Variants in SLC6A19 observed in about 807,000 individuals in gnomAD.
SLC6A19 encodes solute carrier family 6 member 19, also known as sodium-dependent neutral amino acid transporter B(0)AT1.
In SLC6A19, 67 loss-of-function variants were observed where a neutral mutation model predicts 68.3. The ratio of observed to expected loss-of-function variants is 0.98; its 90% CI spans 0.81 to 1.20. SLC6A19 has a LOEUF of 1.20. Among genes scored for constraint, SLC6A19 ranks in the 50% most tolerant of loss-of-function variants. The pLI is 0.00. For synonymous variants in SLC6A19, 392 were observed against 374.9 expected (o/e 1.05, Z -0.53); for missense variants, 813 against 851.6 (o/e 0.95, Z 0.56).
In SLC6A19 at chr5:1,211,344, G is replaced by T. The variant is rs113116660; in HGVS notation, c.481+763G>T. On this transcript the variant is annotated intron_variant, in intron 3 of 11. Transcript: ENST00000304460. The stretch of plus-strand genomic sequence containing the variant: ...TTCCCCTTTAGAAAGGTCTCAGGAT[G>T]GTTCCACAAGCCCAGAGAGGCCCAC... 4.0e-3 allele frequency among the ~76,000 whole-genome samples: 616 copies of T among 152,372 alleles called. 7 individuals carry two copies. Among genetic ancestry groups the T allele is most frequent in the African/African-American group, 0.014 (588 of 41,592 alleles).
Position 1,222,494 on chromosome 5 carries a change from A to G in SLC6A19, c.*590A>G, listed in dbSNP as rs1746418904. Reference sequence around the variant, plus strand: ...TATGCACATGTGTATATGTACATGTATGCCTGTGTGACGTGTGTATATGTG... The same window carrying G: ...TATGCACATGTGTATATGTACATGTGTGCCTGTGTGACGTGTGTATATGTG... On this transcript the variant is annotated 3_prime_UTR_variant, in exon 12 of 12. Coordinates refer to ENST00000304460, the MANE Select transcript of SLC6A19 (RefSeq NM_001003841.3). 2 of 423,248 alleles carry G rather than the reference A, an allele frequency of 4.7e-6. No individual in the cohort carries two copies. Among genetic ancestry groups the G allele is most frequent in the Admixed American group, 3.9e-5 (1 of 25,974 alleles). 26.2% of individuals were successfully genotyped at this position (423,248 alleles called of 1,614,324 possible).
chr5:1,224,956 C>G lies in SLC6A19; in HGVS notation c.*3052C>G, dbSNP rs943216658. 1 of 155,032 alleles carries G rather than the reference C, an allele frequency of 6.5e-6. No individual in the cohort carries two copies. The highest frequency in any genetic ancestry group is 1.4e-5 in the Non-Finnish European group (1 of 69,848). 9.6% of individuals were successfully genotyped at this position (155,032 alleles called of 1,614,324 possible). A position where few individuals can be genotyped will look rare whatever the true frequency, so the allele number is the denominator to read the frequency against. ...GGGCAGCAGTGGGTGTGAGGGCAGCCCCCGGCCTCCCAAGAGCAGCTGAGA... is the reference window on the plus strand; with the variant it reads ...GGGCAGCAGTGGGTGTGAGGGCAGCGCCCGGCCTCCCAAGAGCAGCTGAGA... On this transcript the variant is annotated 3_prime_UTR_variant, in exon 12 of 12. Coordinates refer to ENST00000304460, the MANE Select transcript of SLC6A19 (RefSeq NM_001003841.3).
chr5:1,218,981 G>A lies in SLC6A19; in HGVS notation c.1252G>A (p.Val418Met), dbSNP rs760794923. The change falls in exon 9 of 12, where the codon GTG becomes ATG. Residue 418 changes from valine (V) to methionine (M), a missense_variant. By Grantham distance (21) the Val-to-Met change is conservative. Transcript: ENST00000304460. ...TKMPLSPLWS[V>M]LFFIMLFCLG... Reference sequence around the variant, plus strand: ...GATGCCGTTGTCCCCACTGTGGTCTGTGCTCTTCTTCATTATGCTCTTCTG... The same window carrying A: ...GATGCCGTTGTCCCCACTGTGGTCTATGCTCTTCTTCATTATGCTCTTCTG... The A allele has an allele frequency of 1.4e-5, 22 of 1,613,964 alleles. No individual in the cohort carries two copies. In the South Asian group the frequency reaches 2.4e-4, roughly 18 times the overall value.
chr5:1,216,994 C>T, intron 8 of SLC6A19, 49 bp downstream of exon 8: 1 of 1,609,974 alleles, frequency 6.2e-7, no homozygotes. Context: ...CCCTTGCTGG[C>T]ACCTCAGAGT....
At position 1,222,464 on chromosome 5, in the gene SLC6A19, G is replaced by A. The variant is rs1227969940; in HGVS notation, c.*560G>A. 4.6e-6 allele frequency: 2 copies of A among 434,998 alleles called. No homozygotes were observed. Among genetic ancestry groups the A allele is most frequent in the African/African-American group, 4.0e-5 (2 of 50,566 alleles). 26.9% of individuals were successfully genotyped at this position (434,998 alleles called of 1,614,324 possible). A position where few individuals can be genotyped will look rare whatever the true frequency, so the allele number is the denominator to read the frequency against. On this transcript the variant is annotated 3_prime_UTR_variant, in exon 12 of 12. Transcript: ENST00000304460. ...GTGTGTTCTGTGTGTGCGTTTGCAA[G>A]TATATATGCACATGTGTATATGTAC...
chr5:1,216,947 T>A lies in SLC6A19; in HGVS notation c.1173+2T>A. 1.9e-6 allele frequency: 3 copies of A among 1,612,524 alleles called. No homozygotes were observed. The highest frequency in any genetic ancestry group is 1.7e-6 in the Non-Finnish European group (2 of 1,179,976). ...GACATCAACGCCTTCCTCTCAGAGG[T>A]AGGTCCATTCCGGAGCTCGAGGCAG... is the stretch of plus-strand genomic sequence containing the variant. On this transcript the variant is annotated splice_donor_variant, in intron 8 of 11. Coordinates refer to ENST00000304460, the MANE Select transcript of SLC6A19 (RefSeq NM_001003841.3). LOFTEE classifies it high-confidence loss of function.
chr5:1,212,664 G>T lies in SLC6A19; in HGVS notation c.663+180G>T, dbSNP rs937942295. Among the ~76,000 whole-genome samples, 4 of 152,126 alleles carry T rather than the reference G, an allele frequency of 2.6e-5. No homozygotes were observed. Among genetic ancestry groups the T allele is most frequent in the African/African-American group, 9.7e-5 (4 of 41,392 alleles). On this transcript the variant is annotated intron_variant, in intron 4 of 11. Transcript: ENST00000304460. The surrounding 1 kb of genome is among the most constrained non-coding windows in gnomAD (Gnocchi z 5.1). ...CACTGGCCTGGGCGGGAGGGGCCCT[G>T]CCTGCCCCAGGTTTCCTGAAATGAC...
Position 1,221,920 on chromosome 5 carries a change from G to A in SLC6A19, c.*16G>A, listed in dbSNP as rs779337887. The A allele has an allele frequency of 2.6e-5, 42 of 1,612,872 alleles. No individual in the cohort carries two copies. Among genetic ancestry groups the A allele is most frequent in the African/African-American group, 2.4e-4 (18 of 75,022 alleles). On this transcript the variant is annotated 3_prime_UTR_variant, in exon 12 of 12. Transcript: ENST00000304460. ...GAAGTACTGAGAAGGCCCATCCCAC[G>A]GCGTGCCATACACTGGTGTCAGGGA...
rs142979576 is a variant in SLC6A19, at chr5:1,216,947, T to C, written c.1173+2T>C. The C allele has an allele frequency of 4.3e-6, 7 of 1,612,408 alleles. No homozygotes were observed. Among genetic ancestry groups the C allele is most frequent in the African/African-American group, 4.0e-5 (3 of 74,908 alleles). On this transcript the variant is annotated splice_donor_variant, in intron 8 of 11. Transcript: ENST00000304460. LOFTEE classifies it high-confidence loss of function. ...GACATCAACGCCTTCCTCTCAGAGG[T>C]AGGTCCATTCCGGAGCTCGAGGCAG...
intron 1 of SLC6A19, among the ~76,000 whole-genome samples, chr5:1,202,717 G>A (rs929639447): frequency 5.3e-5 from 8 of 152,172 alleles, no homozygotes; most frequent in Admixed American, 2.6e-4. Flanking sequence ...CTCAGCCTCC[G>A]TTTAGAGGAG....
In SLC6A19 at chr5:1,218,709, C is replaced by T. The variant is rs372572403; in HGVS notation, c.1174-194C>T. Among the ~76,000 whole-genome samples, 16 of 152,336 alleles carry T rather than the reference C, an allele frequency of 1.1e-4. No individual in the cohort carries two copies. The East Asian group carries it at 1.9e-3, about 18-fold the overall frequency. ...GAGTGCCGCTTGGTGATGGGATCCA[C>T]GTGCTGGTCCTGATGCATAGTTCGG... On this transcript the variant is annotated intron_variant, in intron 8 of 11. Coordinates refer to ENST00000304460, the MANE Select transcript of SLC6A19 (RefSeq NM_001003841.3).
chr5:1,206,875 G>C (rs889749417), intron 1 of SLC6A19, among the ~76,000 whole-genome samples: 2 of 152,198 alleles, frequency 1.3e-5, no homozygotes, highest in Admixed American at 6.5e-5. Flanking sequence ...GCTCACTGGG[G>C]TTTGGGACCT....
In SLC6A19 at chr5:1,222,700, G is replaced by T. The variant is rs538033198; in HGVS notation, c.*796G>T. 132 of 175,358 alleles carry T rather than the reference G, an allele frequency of 7.5e-4. No homozygotes were observed. The highest frequency in any genetic ancestry group is 1.3e-3 in the Non-Finnish European group (109 of 83,386). 10.9% of individuals were successfully genotyped at this position (175,358 alleles called of 1,614,324 possible). A position where few individuals can be genotyped will look rare whatever the true frequency, so the allele number is the denominator to read the frequency against. On this transcript the variant is annotated 3_prime_UTR_variant, in exon 12 of 12. Coordinates refer to ENST00000304460, the MANE Select transcript of SLC6A19 (RefSeq NM_001003841.3). Reference sequence around the variant, plus strand: ...ATGGACACGCATATGGACACATATGGACACACATATGGACACGTGTGGATA... The same window carrying T: ...ATGGACACGCATATGGACACATATGTACACACATATGGACACGTGTGGATA...
chr5:1,211,667 C>T (rs572561462), intron 3 of SLC6A19, among the ~76,000 whole-genome samples: 18 of 149,806 alleles, frequency 1.2e-4, no homozygotes, highest in Admixed American at 6.0e-4. Context: ...TGTGTGTGCA[C>T]GTGAGCATGT....
rs1746446815 is a variant in SLC6A19 at position 1,223,327 on chromosome 5, G to C, written c.*1423G>C. 6.6e-6 allele frequency: 1 copy of C among 152,264 alleles called. No homozygotes were observed. Among genetic ancestry groups the C allele is most frequent in the Non-Finnish European group, 1.5e-5 (1 of 68,048 alleles). 9.4% of individuals were successfully genotyped at this position (152,264 alleles called of 1,614,324 possible). A position where few individuals can be genotyped will look rare whatever the true frequency, so the allele number is the denominator to read the frequency against. Reference sequence around the variant, plus strand: ...CATGAGCTGTGTGAATTTTTAGCCAGCCTTTGGAAAAGATGGGTTACAGGG... The same window carrying C: ...CATGAGCTGTGTGAATTTTTAGCCACCCTTTGGAAAAGATGGGTTACAGGG... On this transcript the variant is annotated 3_prime_UTR_variant, in exon 12 of 12. Transcript: ENST00000304460.
intron 4 of SLC6A19, among the ~76,000 whole-genome samples, chr5:1,213,026 ATCCC>A (rs1746088930): frequency 2.3e-5 from 1 of 44,396 alleles, no homozygotes; most frequent in African/African-American, 9.0e-5. Flanking sequence ...CCTGCCCCCC[ATCCC>A]CACCCATTCC....
intron 1 of SLC6A19, among the ~76,000 whole-genome samples, chr5:1,202,793 G>A (rs973757020): frequency 8.5e-5 from 13 of 152,220 alleles, no homozygotes; most frequent in African/African-American, 2.9e-4. Context: ...CGGGCTTTGT[G>A]ATGTGAAGGT....
chr5:1,208,994 C>T, intron 2 of SLC6A19, 108 bp downstream of exon 2: 1 of 1,393,932 alleles, frequency 7.2e-7, no homozygotes, highest in African/African-American at 1.4e-5. Context: ...CCCTGCTCTG[C>T]CTTCCCTGTC....
rs772485568 is a variant in SLC6A19 at position 1,212,464 on chromosome 5, G to A, written c.643G>A (p.Gly215Ser). ...CGTCCTGTACATGTGCACCATCCGC[G>A]GCATCGAGACCACCGGGAAGGTACT... ...WSVLYMCTIR[G>S]IETTGKAVYI... Residue 215 changes from glycine to serine, a missense_variant, in exon 4 of 12, where the codon GGC becomes AGC. Transcript: ENST00000304460. This position sits in a 1 kb window ranked among gnomAD's most constrained non-coding sequence, Gnocchi z 5.1. 30 of 1,608,694 alleles carry A rather than the reference G, an allele frequency of 1.9e-5. No individual in the cohort carries two copies. The highest frequency in any genetic ancestry group is 1.1e-4 in the African/African-American group (8 of 74,866).
Sources: gnomAD v4.1 joint callset for allele counts (sites outside exome capture counted in the v4.1 genomes callset) on GRCh38, gnomAD v4.1.1 for gene constraint, Gnocchi (gnomAD v3.1) non-coding constraint, MANE v1.5 for transcripts, NCBI Gene and HGNC (gene_info 2026-07-23, HGNC 2026-07-21) for gene names.